Variants in FAM24B observed in about 807,000 individuals in gnomAD.
FAM24B encodes protein FAM24B.
FAM24B carries 3 observed loss-of-function variants against 2.3 expected under a neutral mutation model. The ratio of observed to expected loss-of-function variants is 1.29; its 90% CI spans 0.59 to 3.32. The LOEUF is 3.32. FAM24B is among the 30% of genes most tolerant of loss of function. FAM24B has a pLI of 0.03. For missense variants in FAM24B, 98 were observed against 117.2 expected, an observed-to-expected ratio of 0.84 and a Z score of 0.76; for synonymous variants, 36 against 46.3, an observed-to-expected ratio of 0.78 and a Z score of 0.90.
intron 1 of FAM24B, among the ~76,000 whole-genome samples, chr10:122,870,466 C>T (rs576058297): frequency 5.3e-5 from 8 of 152,074 alleles, no homozygotes; most frequent in South Asian, 4.2e-4. Context: ...TACCAAAGCC[C>T]GGCAGAGACA....
chr10:122,869,837 G>T (rs147563520), intron 1 of FAM24B, among the ~76,000 whole-genome samples: 1 of 152,062 alleles, frequency 6.6e-6, no homozygotes, highest in African/African-American at 2.4e-5. Context: ...AAGGAGGGAA[G>T]ATCTAAAATT....
chr10:122,867,332 G>A (rs974875834), intron 1 of FAM24B, among the ~76,000 whole-genome samples: 2 of 152,228 alleles, frequency 1.3e-5, no homozygotes, highest in African/African-American at 4.8e-5. Flanking sequence ...GCTCAAGGAG[G>A]CCTGCCTGCC....
At position 122,867,518 on chromosome 10, in the gene FAM24B, T is replaced by C. The variant is rs192752640; in HGVS notation, c.-177-11732A>G. Among the ~76,000 whole-genome samples, 26 of 152,246 alleles carry C rather than the reference T, an allele frequency of 1.7e-4. No individual in the cohort carries two copies. The East Asian group carries it at 4.6e-3, about 27-fold the overall frequency. ...CTCAAGTGGGTCCCTGACCCCTGAG[T>C]AGCCTAACTGGGAGGCACCCCCTAG... On this transcript the variant is annotated intron_variant, in intron 1 of 3. Transcript: ENST00000368898.
intron 1 of FAM24B, among the ~76,000 whole-genome samples, chr10:122,872,730 G>A (rs943155634): frequency 1.3e-5 from 2 of 151,904 alleles, no homozygotes; most frequent in African/African-American, 4.8e-5. Context: ...GGTGGGAATT[G>A]AACAATGAGA....
chr10:122,856,199 C>T (rs1847634562), intron 1 of FAM24B, among the ~76,000 whole-genome samples: 1 of 152,056 alleles, frequency 6.6e-6, no homozygotes, highest in African/African-American at 2.4e-5. Flanking sequence ...CACATCTTTG[C>T]CATGGCACAT....
At chr10:122,861,906 C>T (rs1009939528) in intron 1 of FAM24B, among the ~76,000 whole-genome samples, 1 of 151,838 alleles carries the variant, frequency 6.6e-6, no homozygotes, top group Non-Finnish European at 1.5e-5. Flanking sequence ...CTTATCTGAC[C>T]TACACAGACC....
At chr10:122,858,402 G>A (rs554672899) in intron 1 of FAM24B, among the ~76,000 whole-genome samples, 7 of 142,300 alleles carry the variant, frequency 4.9e-5, no homozygotes, top group African/African-American at 1.0e-4. Flanking sequence ...GGGGCCTATC[G>A]TTGGGTGAGG....
At chr10:122,869,240 T>C (rs1201723203) in intron 1 of FAM24B, among the ~76,000 whole-genome samples, 1 of 152,192 alleles carries the variant, frequency 6.6e-6, no homozygotes, top group East Asian at 1.9e-4. Flanking sequence ...CTAACTATCC[T>C]AAATATATAT....
At chr10:122,863,609 T>C (rs886817079) in intron 1 of FAM24B, among the ~76,000 whole-genome samples, 9 of 152,190 alleles carry the variant, frequency 5.9e-5, no homozygotes, top group African/African-American at 1.9e-4. Context: ...ACATACACTG[T>C]TATTTTATTT....
rs527526874 is a variant in FAM24B, at chr10:122,879,576, C to T, written c.-269G>A. The T allele has an allele frequency of 3.9e-5, 6 of 152,686 alleles. No homozygotes were observed. Among genetic ancestry groups the T allele is most frequent in the Non-Finnish European group, 8.8e-5 (6 of 68,362 alleles). 9.5% of individuals were successfully genotyped at this position (152,686 alleles called of 1,614,324 possible). On this transcript the variant is annotated 5_prime_UTR_variant, in exon 1 of 4. Coordinates refer to ENST00000368898, the MANE Select transcript of FAM24B (RefSeq NM_152644.3). ...TCGAAAAACCGCCGTGGTGCCCGCG[C>T]ACAGTGCACCGCGCCTGCGCATGGT...
chr10:122,864,196 C>A (rs1305578987), intron 1 of FAM24B, among the ~76,000 whole-genome samples: 2 of 152,122 alleles, frequency 1.3e-5, no homozygotes, highest in African/African-American at 4.8e-5. Context: ...CCATTTAATA[C>A]AAGAAAGCCA....
At chr10:122,867,393 A>G (rs1847819555) in intron 1 of FAM24B, among the ~76,000 whole-genome samples, 1 of 152,228 alleles carries the variant, frequency 6.6e-6, no homozygotes. Context: ...AAAGACAGCA[A>G]TAACCTCTGC....
intron 1 of FAM24B, among the ~76,000 whole-genome samples, chr10:122,872,756 A>T (rs530004808): frequency 6.6e-6 from 1 of 152,030 alleles, no homozygotes; most frequent in African/African-American, 2.4e-5. Flanking sequence ...TGGACACAGG[A>T]AGGGGAACAT....
intron 1 of FAM24B, among the ~76,000 whole-genome samples, chr10:122,873,649 C>T (rs1847934358): frequency 6.6e-6 from 1 of 152,210 alleles, no homozygotes; most frequent in African/African-American, 2.4e-5. Flanking sequence ...ATAGCAATTT[C>T]TCACAGTATC....
At chr10:122,864,747 C>T (rs985742267) in intron 1 of FAM24B, among the ~76,000 whole-genome samples, 15 of 152,158 alleles carry the variant, frequency 9.9e-5, no homozygotes, top group Non-Finnish European at 1.6e-4. Flanking sequence ...CCTGCCAGAC[C>T]CTGGCAACCA....
chr10:122,868,241 T>A (rs955545071), intron 1 of FAM24B, among the ~76,000 whole-genome samples: 4 of 151,952 alleles, frequency 2.6e-5, no homozygotes, highest in Non-Finnish European at 5.9e-5. Flanking sequence ...GAAAAAAGAA[T>A]AAAAAGAAAC....
chr10:122,854,712 C>A (rs544564443), intron 2 of FAM24B, among the ~76,000 whole-genome samples: 1 of 152,310 alleles, frequency 6.6e-6, no homozygotes, highest in Admixed American at 6.5e-5. Flanking sequence ...AGGTAGGCAG[C>A]AACTGTGCTC....
chr10:122,875,647 C>T (rs1847965438), intron 1 of FAM24B, among the ~76,000 whole-genome samples: 1 of 152,082 alleles, frequency 6.6e-6, no homozygotes, highest in African/African-American at 2.4e-5. Context: ...TGAGTTTCCA[C>T]ATTGTCATTG....
chr10:122,867,840 A>G (rs2133836921), intron 1 of FAM24B, among the ~76,000 whole-genome samples: 1 of 152,294 alleles, frequency 6.6e-6, no homozygotes, highest in Middle Eastern at 3.4e-3. Flanking sequence ...AAAGATGGGG[A>G]AAAAACAGAG....
Sources: gnomAD v4.1 joint callset for allele counts (sites outside exome capture counted in the v4.1 genomes callset) on GRCh38, gnomAD v4.1.1 for gene constraint, MANE v1.5 for transcripts, NCBI Gene and HGNC (gene_info 2026-07-23, HGNC 2026-07-21) for gene names.